DNAJC13: variants seen among roughly 807,000 people sequenced by gnomAD.
DNAJC13 encodes the protein dnaJ homolog subfamily C member 13.
Under a neutral mutation model 290.5 loss-of-function variants are expected in DNAJC13, and 75 were observed. That is an observed-to-expected ratio of 0.26 (90% CI 0.21 to 0.31). DNAJC13 has a LOEUF of 0.31. DNAJC13 is among the 10% of genes least tolerant of loss of function. The pLI, the probability that DNAJC13 is intolerant of heterozygous loss-of-function variation, is 1.00. For synonymous variants in DNAJC13, 862 were observed against 892.0 expected, an observed-to-expected ratio of 0.97 and a Z score of 0.60; for missense variants, 2,260 against 2,674.5, an observed-to-expected ratio of 0.85 and a Z score of 3.42.
intron 8 of DNAJC13, 22 bp from the exon 9 acceptor site, chr3:132,454,044 C>A (rs1469614924): frequency 6.5e-7 from 1 of 1,532,352 alleles, no homozygotes; most frequent in Non-Finnish European, 8.8e-7. Flanking sequence ...TTTGTTGAAG[C>A]TATTTTTTGT....
At chr3:132,530,534 A>G (rs1005245866) in intron 54 of DNAJC13, among the ~76,000 whole-genome samples, 14 of 152,184 alleles carry the variant, frequency 9.2e-5, no homozygotes, top group African/African-American at 1.4e-4. Context: ...TGTTTTTTCA[A>G]CAACACTCCT....
chr3:132,525,112 G>T (rs186546290), intron 51 of DNAJC13, among the ~76,000 whole-genome samples: 1 of 152,120 alleles, frequency 6.6e-6, no homozygotes, highest in Admixed American at 6.5e-5. Context: ...AGGCCAAGGC[G>T]GGCGGATCAC....
intron 20 of DNAJC13, 23 bp downstream of exon 20, chr3:132,467,336 A>G: frequency 6.2e-7 from 1 of 1,611,068 alleles, no homozygotes; most frequent in Non-Finnish European, 8.5e-7. Flanking sequence ...TTTGCTTCCA[A>G]ATTCCTGGCA....
intron 36 of DNAJC13, among the ~76,000 whole-genome samples, chr3:132,498,566 C>T (rs62292957): frequency 0.03 from 4,533 of 152,102 alleles, 119 homozygotes; most frequent in East Asian, 0.1. Context: ...CTAGTGGAAA[C>T]ATTTTAGAAA....
intron 22 of DNAJC13, 33 bp from the exon 23 acceptor site, chr3:132,477,756 C>T: frequency 1.3e-6 from 2 of 1,523,474 alleles, no homozygotes; most frequent in Non-Finnish European, 1.8e-6. Context: ...CTATTGTAAA[C>T]TAAAATAGTG....
chr3:132,487,169 A>G (rs1356639112), intron 29 of DNAJC13, among the ~76,000 whole-genome samples: 1 of 152,188 alleles, frequency 6.6e-6, no homozygotes, highest in African/African-American at 2.4e-5. Flanking sequence ...TAAAAGACCC[A>G]TAGCTGTTTA....
chr3:132,442,691 TTA>T (rs539487580), intron 2 of DNAJC13, among the ~76,000 whole-genome samples: 90 of 152,304 alleles, frequency 5.9e-4, no homozygotes, highest in African/African-American at 2.1e-3. Context: ...GTAACATAAG[TTA>T]TGTTTCTTAA....
intron 2 of DNAJC13, among the ~76,000 whole-genome samples, chr3:132,435,904 T>G (rs1939372607): frequency 6.6e-6 from 1 of 152,172 alleles, no homozygotes. Flanking sequence ...TCATCAAAAT[T>G]TTTGGTAATG....
intron 55 of DNAJC13, among the ~76,000 whole-genome samples, chr3:132,533,076 G>A (rs1343065059): frequency 3.2e-5 from 3 of 92,334 alleles, no homozygotes; most frequent in African/African-American, 6.2e-5. Flanking sequence ...TTTTTTTTGC[G>A]ACGGAGTCTG....
chr3:132,526,123 T>A lies in DNAJC13; in HGVS notation c.6241-18T>A, dbSNP rs1182466909. On this transcript the variant is annotated intron_variant, in intron 52 of 55. Transcript: ENST00000260818. ...AATATTGCCAGTCTACAAGTAACCTTCTCTTTTGGGCACTTAGCTGTGTGT... is the reference window on the plus strand; with the variant it reads ...AATATTGCCAGTCTACAAGTAACCTACTCTTTTGGGCACTTAGCTGTGTGT... 2 of 1,613,310 alleles carry A rather than the reference T, an allele frequency of 1.2e-6. No homozygotes were observed. The highest frequency in any genetic ancestry group is 1.7e-6 in the Non-Finnish European group (2 of 1,179,678).
intron 13 of DNAJC13, among the ~76,000 whole-genome samples, chr3:132,459,978 G>C (rs1463249364): frequency 6.6e-6 from 1 of 152,130 alleles, no homozygotes; most frequent in African/African-American, 2.4e-5. Flanking sequence ...GCAAATGTTT[G>C]CCTTTTAATA....
chr3:132,461,326 T>C (rs1933787864), intron 15 of DNAJC13, 121 bp downstream of exon 15: 1 of 1,015,760 alleles, frequency 9.8e-7, no homozygotes, highest in Non-Finnish European at 1.5e-6. Flanking sequence ...CGTTTGGCTT[T>C]CCTGGGCCAC....
intron 5 of DNAJC13, among the ~76,000 whole-genome samples, chr3:132,448,409 C>T (rs1220646715): frequency 6.6e-6 from 1 of 152,120 alleles, no homozygotes; most frequent in African/African-American, 2.4e-5. Flanking sequence ...GCATGGTGCA[C>T]TGACAGCTTT....
Position 132,516,472 on chromosome 3 carries a change from A to G in DNAJC13, c.5536A>G (p.Ile1846Val). 1 of 1,613,876 alleles carries G rather than the reference A, an allele frequency of 6.2e-7. No homozygotes were observed. The stretch of plus-strand genomic sequence containing the variant: ...TTATGCTTTGACATCGAGTACAAAA[A>G]TAATCAAAGAAGCAATGGCAAAGGG... The part of the protein sequence containing the change: ...TLYALTSSTK[I>V]IKEAMAKGAL... The change falls in exon 47 of 56, where the codon ATA becomes GTA. Residue 1846 changes from isoleucine (I) to valine (V), a missense_variant. Transcript: ENST00000260818.
chr3:132,514,499 C>CTA (rs1477803080), intron 45 of DNAJC13, 72 bp from the exon 46 acceptor site: 1 of 1,057,448 alleles, frequency 9.5e-7, no homozygotes, highest in African/African-American at 1.6e-5. Context: ...CTTGTACAGT[C>CTA]TATATGACCT....
intron 20 of DNAJC13, among the ~76,000 whole-genome samples, chr3:132,469,525 C>T (rs773595310): frequency 6.6e-6 from 1 of 152,244 alleles, no homozygotes; most frequent in South Asian, 2.1e-4. Flanking sequence ...GCTTTTTGTC[C>T]TTTTTCTGTA....
rs779837841 is a variant in DNAJC13, at chr3:132,528,263, A to T, written c.6456A>T (p.Pro2152=). ...EGIGLENLDS[P]AATKAQIVKA... is the part of the protein sequence containing the mutation. ...TTGGCCTTGAAAACCTGGACAGCCC[A>T]GCAGCCACTAAGGCTCAGATTGTTA... Residue 2152 remains proline, a synonymous_variant, in exon 54 of 56, where the codon CCA becomes CCT. Transcript: ENST00000260818. 6.2e-7 allele frequency: 1 copy of T among 1,614,012 alleles called. No homozygotes were observed. Among genetic ancestry groups the T allele is most frequent in the African/African-American group, 1.3e-5 (1 of 74,944 alleles).
chr3:132,467,372 G>A, intron 20 of DNAJC13, 59 bp downstream of exon 20: 1 of 1,559,488 alleles, frequency 6.4e-7, no homozygotes, highest in South Asian at 1.2e-5. Flanking sequence ...GTCTACTTTA[G>A]TTCCTGCTGT....
At chr3:132,425,592 C>G (rs1939068796) in intron 1 of DNAJC13, among the ~76,000 whole-genome samples, 1 of 152,132 alleles carries the variant, frequency 6.6e-6, no homozygotes, top group Admixed American at 6.5e-5. Context: ...AAAGTAAGTT[C>G]CGTTCTTGCA....
Sources: allele counts gnomAD v4.1 joint callset (sites outside exome capture counted in the v4.1 genomes callset), GRCh38; gene constraint gnomAD v4.1.1; transcripts MANE v1.5; gene names NCBI Gene and HGNC (gene_info 2026-07-23, HGNC 2026-07-21).